Variants in AGMO observed in about 807,000 individuals in gnomAD.
AGMO encodes the protein alkylglycerol monooxygenase.
A neutral mutation model predicts 60.2 loss-of-function variants in AGMO; 75 were observed. That is an observed-to-expected ratio of 1.25 (90% CI 1.03 to 1.51). The LOEUF is 1.51. AGMO is among the 40% of genes most tolerant of loss of function. The probability of loss-of-function intolerance (pLI) is 0.00; values close to 1 mark genes in which losing one functional copy is unlikely to be tolerated. For missense variants in AGMO, 763 were observed against 525.5 expected (o/e 1.45, Z -4.42); for synonymous variants, 261 against 177.1 (o/e 1.47, Z -3.76).
At position 15,432,859 on chromosome 7, in the gene AGMO, A is replaced by T. The variant is rs547151993; in HGVS notation, c.410-1751T>A. 1.2e-4 allele frequency among the ~76,000 whole-genome samples: 18 copies of T among 152,122 alleles called. No homozygotes were observed. The South Asian group carries it at 3.7e-3, about 32-fold the overall frequency. ...TTATTGATAAGCCTAATGGCTGTAC[A>T]TAAGAAATATAAAAAGACCCTTGTG... On this transcript the variant is annotated intron_variant, in intron 3 of 12. Transcript: ENST00000342526.
chr7:15,165,272 T>A, the AGMO span, among the ~76,000 whole-genome samples: 1 of 152,062 alleles, frequency 6.6e-6, no homozygotes, highest in South Asian at 2.1e-4. Flanking sequence ...AAATTTCCTA[T>A]TGGGTACAGT....
At chr7:15,413,767 G>C (rs1410792138) in intron 5 of AGMO, among the ~76,000 whole-genome samples, 1 of 151,986 alleles carries the variant, frequency 6.6e-6, no homozygotes, top group Non-Finnish European at 1.5e-5. Flanking sequence ...TCTTAAGGTA[G>C]ACAAAAACTG....
chr7:15,246,382 A>G (rs1247554380), intron 12 of AGMO, among the ~76,000 whole-genome samples: 1 of 152,208 alleles, frequency 6.6e-6, no homozygotes, highest in Non-Finnish European at 1.5e-5. Context: ...TGGAGAAACA[A>G]CTACTGATAA....
chr7:15,314,252 A>G (rs1438622639), intron 12 of AGMO, among the ~76,000 whole-genome samples: 1 of 152,120 alleles, frequency 6.6e-6, no homozygotes, highest in Admixed American at 6.6e-5. Context: ...TTAATTGATT[A>G]TTTCTGGAAT....
chr7:15,131,053 C>CTGTG, the AGMO span, among the ~76,000 whole-genome samples: 24 of 149,872 alleles, frequency 1.6e-4, no homozygotes, highest in African/African-American at 3.7e-4. Flanking sequence ...GCTTGTATTT[C>CTGTG]TGTGTGTGTG....
intron 12 of AGMO, among the ~76,000 whole-genome samples, chr7:15,361,959 T>C (rs1395833229): frequency 2.0e-5 from 3 of 152,142 alleles, no homozygotes; most frequent in South Asian, 2.1e-4. Context: ...ATTTATATTA[T>C]AGGAGAAAGG....
chr7:15,199,770 A>G (rs1290602997), downstream of AGMO, among the ~76,000 whole-genome samples: 1 of 152,186 alleles, frequency 6.6e-6, no homozygotes, highest in Non-Finnish European at 1.5e-5. Context: ...AGGCTTACGT[A>G]TTGTCTATAA....
chr7:15,206,358 T>C (rs1179036382), intron 12 of AGMO, among the ~76,000 whole-genome samples: 2 of 152,094 alleles, frequency 1.3e-5, no homozygotes, highest in Non-Finnish European at 2.9e-5. Flanking sequence ...AACATATTTA[T>C]TCATATTCAG....
chr7:15,124,355 A>AT, the AGMO span, among the ~76,000 whole-genome samples: 1 of 151,576 alleles, frequency 6.6e-6, no homozygotes, highest in Non-Finnish European at 1.5e-5. Flanking sequence ...GCGTGGCCAG[A>AT]TTTTTTCCAT....
intron 12 of AGMO, among the ~76,000 whole-genome samples, chr7:15,277,422 T>C (rs1783833395): frequency 6.6e-6 from 1 of 152,326 alleles, no homozygotes; most frequent in South Asian, 2.1e-4. Flanking sequence ...GATCCTTTGG[T>C]GGTGTCATGA....
intron 9 of AGMO, 107 bp downstream of exon 9, chr7:15,387,299 A>T: frequency 7.7e-7 from 1 of 1,296,514 alleles, no homozygotes; most frequent in Non-Finnish European, 1.1e-6. Context: ...TGACTGGGGG[A>T]ACATCTTTTT....
chr7:15,202,179 T>C (rs941677954), intron 12 of AGMO, among the ~76,000 whole-genome samples: 3 of 152,046 alleles, frequency 2.0e-5, no homozygotes, highest in African/African-American at 4.8e-5. Context: ...TTTTCATGTA[T>C]GTGTATACTT....
chr7:15,518,129 G>A (rs1394535023), intron 3 of AGMO, among the ~76,000 whole-genome samples: 4 of 152,162 alleles, frequency 2.6e-5, no homozygotes, highest in African/African-American at 9.7e-5. Context: ...CTCCTCTGTG[G>A]GCAGGGCATC....
intron 12 of AGMO, among the ~76,000 whole-genome samples, chr7:15,267,949 T>C (rs1328411845): frequency 6.6e-6 from 1 of 151,996 alleles, no homozygotes; most frequent in Non-Finnish European, 1.5e-5. Flanking sequence ...TATTAAATTT[T>C]ACTCTAAATT....
chr7:15,340,226 G>T (rs74718313), intron 12 of AGMO, among the ~76,000 whole-genome samples: 1 of 152,080 alleles, frequency 6.6e-6, no homozygotes, highest in Non-Finnish European at 1.5e-5. Flanking sequence ...TAAATTGCAC[G>T]TTACACACCT....
At chr7:15,529,182 A>C (rs913968184) in intron 3 of AGMO, among the ~76,000 whole-genome samples, 3 of 151,998 alleles carry the variant, frequency 2.0e-5, no homozygotes, top group African/African-American at 7.2e-5. Context: ...CTTAGGTATA[A>C]TCATGGTGTT....
At chr7:15,309,963 C>T (rs1780722251) in intron 12 of AGMO, among the ~76,000 whole-genome samples, 1 of 151,916 alleles carries the variant, frequency 6.6e-6, no homozygotes, top group Admixed American at 6.6e-5. Context: ...CATTTATATC[C>T]CTTCAGCTTC....
chr7:15,461,434 T>G (rs184638699), intron 3 of AGMO, among the ~76,000 whole-genome samples: 13 of 151,938 alleles, frequency 8.6e-5, no homozygotes, highest in Non-Finnish European at 4.4e-5. Flanking sequence ...ATAGTAGTAA[T>G]CATCATGTAT....
chr7:15,371,551 T>C (rs1435814852), intron 10 of AGMO, among the ~76,000 whole-genome samples: 2 of 151,996 alleles, frequency 1.3e-5, no homozygotes, highest in Admixed American at 6.6e-5. Flanking sequence ...CCACCTTACA[T>C]ACCCGACTAA....
Sources: allele counts gnomAD v4.1 joint callset (sites outside exome capture counted in the v4.1 genomes callset), GRCh38; gene constraint gnomAD v4.1.1; transcripts MANE v1.5; gene names NCBI Gene and HGNC (gene_info 2026-07-23, HGNC 2026-07-21).